Variants in ME3 observed in about 807,000 individuals in gnomAD.
The protein encoded by ME3 is malic enzyme 3.
In ME3, 48 loss-of-function variants were observed where a neutral mutation model predicts 68.9. That is an observed-to-expected ratio of 0.70 (90% CI 0.55 to 0.89). The LOEUF (loss-of-function observed/expected upper bound fraction) is 0.89, where lower values mean the gene tolerates loss of function less well. Among genes scored for constraint, ME3 ranks in the 40% least tolerant of loss-of-function variants. ME3 has a pLI of 0.00. For synonymous variants in ME3, 320 were observed against 318.8 expected (o/e 1.00, Z -0.04); for missense variants, 675 against 797.4 (o/e 0.85, Z 1.85).
At chr11:86,475,941 T>C (rs1951062115) in intron 7 of ME3, among the ~76,000 whole-genome samples, 2 of 150,192 alleles carry the variant, frequency 1.3e-5, no homozygotes, top group Admixed American at 1.3e-4. Context: ...CCCTCTATGC[T>C]GAGAGGGACT....
chr11:86,543,271 A>G (rs750845492), intron 4 of ME3, among the ~76,000 whole-genome samples: 3 of 152,240 alleles, frequency 2.0e-5, no homozygotes, highest in Non-Finnish European at 2.9e-5. Flanking sequence ...ACAAGCTAGC[A>G]TCATAATGAT....
At chr11:86,570,036 A>G (rs566402451) in intron 2 of ME3, among the ~76,000 whole-genome samples, 1 of 152,336 alleles carries the variant, frequency 6.6e-6, no homozygotes, top group South Asian at 2.1e-4. Context: ...GCCTCAGATC[A>G]GTCAGCCCAC....
intron 7 of ME3, among the ~76,000 whole-genome samples, chr11:86,470,424 T>C (rs1950721579): frequency 7.4e-6 from 1 of 135,044 alleles, no homozygotes; most frequent in Non-Finnish European, 1.6e-5. Flanking sequence ...GACAGAATCA[T>C]AAAAACTCTT....
chr11:86,556,818 G>A (rs947503677), intron 3 of ME3, 116 bp from the exon 4 acceptor site: 53 of 1,165,260 alleles, frequency 4.5e-5, no homozygotes, highest in Admixed American at 1.7e-4. Flanking sequence ...AACATTCATG[G>A]GCAAGCCATC....
At chr11:86,560,474 C>T (rs1050565442) in intron 2 of ME3, among the ~76,000 whole-genome samples, 3 of 151,826 alleles carry the variant, frequency 2.0e-5, no homozygotes, top group Admixed American at 6.6e-5. Context: ...AGTGTGAAAA[C>T]GGACTAATAC....
chr11:86,550,574 C>T (rs17149169), intron 4 of ME3, among the ~76,000 whole-genome samples: 2 of 152,060 alleles, frequency 1.3e-5, no homozygotes, highest in Admixed American at 6.5e-5. Flanking sequence ...CTGAAAGTTT[C>T]GCAGCAGAGT....
intron 2 of ME3, among the ~76,000 whole-genome samples, chr11:86,586,754 T>C (rs906884222): frequency 4.0e-5 from 6 of 151,796 alleles, no homozygotes; most frequent in African/African-American, 1.5e-4. Flanking sequence ...GCTCTGAAAA[T>C]GGTTTTAGGG....
intron 6 of ME3, among the ~76,000 whole-genome samples, chr11:86,494,349 A>T (rs528069495): frequency 6.6e-6 from 1 of 152,114 alleles, no homozygotes; most frequent in Admixed American, 6.5e-5. Flanking sequence ...GGAGCAGTGC[A>T]CCACAGTGGG....
intron 6 of ME3, among the ~76,000 whole-genome samples, chr11:86,494,386 GGGT>G: frequency 6.6e-6 from 1 of 152,148 alleles, no homozygotes; most frequent in Admixed American, 6.5e-5. Flanking sequence ...CCAGACAGCT[GGGT>G]TCCAATCCCA....
At chr11:86,463,009 G>T (rs956105559) in intron 8 of ME3, among the ~76,000 whole-genome samples, 2 of 152,210 alleles carry the variant, frequency 1.3e-5, no homozygotes, top group African/African-American at 4.8e-5. Flanking sequence ...GAGAGCAGAA[G>T]AAAGATCCCG....
intron 2 of ME3, among the ~76,000 whole-genome samples, chr11:86,620,584 T>C (rs1943283958): frequency 6.6e-6 from 1 of 152,212 alleles, no homozygotes; most frequent in Non-Finnish European, 1.5e-5. Context: ...ACTGCAGCAC[T>C]ATGCTATATG....
At chr11:86,558,394 C>A (rs375967064) in intron 3 of ME3, among the ~76,000 whole-genome samples, 4 of 152,136 alleles carry the variant, frequency 2.6e-5, no homozygotes, top group East Asian at 3.9e-4. Context: ...GGATATTTGG[C>A]CTGACTACAG....
At chr11:86,543,130 G>A (rs1956149331) in intron 4 of ME3, among the ~76,000 whole-genome samples, 1 of 152,182 alleles carries the variant, frequency 6.6e-6, no homozygotes, top group Non-Finnish European at 1.5e-5. Flanking sequence ...CCTCAGGCCT[G>A]TCTTACAAGA....
At chr11:86,589,288 A>G (rs1167683379) in intron 2 of ME3, among the ~76,000 whole-genome samples, 1 of 151,890 alleles carries the variant, frequency 6.6e-6, no homozygotes, top group Non-Finnish European at 1.5e-5. Flanking sequence ...ACTATGTTTC[A>G]TTTATTTTTA....
intron 2 of ME3, among the ~76,000 whole-genome samples, chr11:86,586,222 GAA>G (rs964773865): frequency 1.3e-5 from 2 of 152,220 alleles, no homozygotes; most frequent in Admixed American, 1.3e-4. Context: ...GTGTTGTCAG[GAA>G]AAGTGGGAAT....
At chr11:86,436,635 C>T (rs1003549158), downstream of ME3, 3 of 152,088 alleles carry the variant, frequency 2.0e-5, no homozygotes, top group Non-Finnish European at 4.4e-5. Flanking sequence ...AGTTTTAGCT[C>T]TCACATTTAG....
At chr11:86,539,214 C>T (rs563869542) in intron 4 of ME3, among the ~76,000 whole-genome samples, 2 of 152,056 alleles carry the variant, frequency 1.3e-5, no homozygotes, top group African/African-American at 2.4e-5. Flanking sequence ...TATAGCCTTG[C>T]CTATGCAGTT....
Position 86,611,239 on chromosome 11 carries a change from G to A in ME3, c.184-51416C>T, listed in dbSNP as rs181842478. ...TAGAATTGTGGTTGCCAGGGCCCGG[G>A]GTGTGGGGAAATGGGGAGATGTTGG... On this transcript the variant is annotated intron_variant, in intron 2 of 14. Transcript: ENST00000543262. Among the ~76,000 whole-genome samples the A allele has an allele frequency of 2.9e-3, 440 of 152,154 alleles. 2 individuals carry two copies. Among genetic ancestry groups the A allele is most frequent in the African/African-American group, 0.01 (429 of 41,502 alleles).
chr11:86,656,811 A>G (rs1276482401), intron 2 of ME3, among the ~76,000 whole-genome samples: 2 of 152,064 alleles, frequency 1.3e-5, no homozygotes, highest in African/African-American at 2.4e-5. Flanking sequence ...AAGGATATGA[A>G]CAGACACTTC....
Sources: gnomAD v4.1 joint callset for allele counts (sites outside exome capture counted in the v4.1 genomes callset) on GRCh38, gnomAD v4.1.1 for gene constraint, MANE v1.5 for transcripts, NCBI Gene and HGNC (gene_info 2026-07-23, HGNC 2026-07-21) for gene names.